MYO10: variants seen among roughly 807,000 people sequenced by gnomAD.
The protein encoded by MYO10 is myosin X.
A neutral mutation model predicts 257.3 loss-of-function variants in MYO10; 133 were observed. That is an observed-to-expected ratio of 0.52 (90% CI 0.45 to 0.60). The LOEUF (loss-of-function observed/expected upper bound fraction) is 0.60, where lower values mean the gene tolerates loss of function less well. Ranked by LOEUF, MYO10 falls within the 20% of genes least tolerant of loss-of-function variation. The probability of loss-of-function intolerance (pLI) is 0.00; values close to 1 mark genes in which losing one functional copy is unlikely to be tolerated. For synonymous variants in MYO10, 1,104 were observed against 1,028.6 expected (o/e 1.07, Z -1.40); for missense variants, 2,399 against 2,635.7 (o/e 0.91, Z 1.97).
At chr5:16,772,521 A>G (rs1370364831) in intron 9 of MYO10, among the ~76,000 whole-genome samples, 4 of 152,232 alleles carry the variant, frequency 2.6e-5, no homozygotes, top group African/African-American at 9.6e-5. Context: ...CAAAAAAGCT[A>G]TTTTGTACCT....
chr5:16,918,212 AAG>A (rs1745878767), intron 1 of MYO10, among the ~76,000 whole-genome samples: 1 of 152,210 alleles, frequency 6.6e-6, no homozygotes, highest in Admixed American at 6.5e-5. Flanking sequence ...GGAAGATGTG[AAG>A]AGTCCAAAAG....
chr5:16,668,820 GCAACC>G (rs1736299734), intron 39 of MYO10, among the ~76,000 whole-genome samples: 1 of 152,070 alleles, frequency 6.6e-6, no homozygotes, highest in African/African-American at 2.4e-5. Flanking sequence ...AAGCTTCCCT[GCAACC>G]CAAGCCAAGT....
rs1736048764 is a variant in MYO10 at position 16,663,401 on chromosome 5, T to C, written c.*3291A>G. On this transcript the variant is annotated 3_prime_UTR_variant, in exon 41 of 41. Transcript: ENST00000513610. ...CCTATATGTATTAGCTTTCAAAAGA[T>C]TTAAAAATTAAAAATACTAGATTGT... 1 of 132,084 alleles carries C rather than the reference T, an allele frequency of 7.6e-6. No individual in the cohort carries two copies. Among genetic ancestry groups the C allele is most frequent in the East Asian group, 2.2e-4 (1 of 4,472 alleles). 8.2% of individuals were successfully genotyped at this position (132,084 alleles called of 1,614,324 possible).
Position 16,758,159 on chromosome 5 carries a change from C to T in MYO10, c.1807G>A (p.Gly603Arg). Residue 603 changes from glycine to arginine, a missense_variant, in exon 18 of 41, where the codon GGA (glycine) becomes AGA (arginine). Physicochemically the swap from Gly to Arg is moderately radical, Grantham distance 125. This residue lies in a region of MYO10 where 1,820 missense variants were observed against 1,939.4 expected (regional missense o/e 0.94). Transcript: ENST00000513610. ...SRNNQDTLKCGSKHRRPTVSS... is the reference protein window; with the variant it reads ...SRNNQDTLKCRSKHRRPTVSS... ...ACTGTAGGCCGCCGATGTTTGCTTC[C>T]ACATTTCAAGGTATCCTGGTTGTTG... The T allele has an allele frequency of 6.2e-7, 1 of 1,613,748 alleles. No individual in the cohort carries two copies. Among genetic ancestry groups the T allele is most frequent in the Non-Finnish European group, 8.5e-7 (1 of 1,179,678 alleles).
intron 11 of MYO10, among the ~76,000 whole-genome samples, chr5:16,765,373 A>G (rs771918404): frequency 1.3e-5 from 2 of 152,150 alleles, no homozygotes; most frequent in Admixed American, 6.5e-5. Flanking sequence ...TCGGACTCCA[A>G]GTTCTTCAGT....
chr5:16,746,666 A>C (rs749130017), intron 19 of MYO10, among the ~76,000 whole-genome samples: 7 of 152,240 alleles, frequency 4.6e-5, no homozygotes, highest in African/African-American at 7.2e-5. Flanking sequence ...AAAGGCCTGG[A>C]AACAGAAAAG....
At chr5:16,847,391 T>C in intron 2 of MYO10, among the ~76,000 whole-genome samples, 1 of 148,298 alleles carries the variant, frequency 6.7e-6, no homozygotes, top group African/African-American at 2.5e-5. Context: ...GCCACTGTAC[T>C]CCAGCCTGGG....
intron 33 of MYO10, among the ~76,000 whole-genome samples, chr5:16,677,029 T>C (rs1004170014): frequency 1.3e-5 from 2 of 152,212 alleles, no homozygotes; most frequent in Admixed American, 1.3e-4. Flanking sequence ...TTGGGGAGAC[T>C]GTCCTTCCAC....
At chr5:16,700,210 G>C (rs60758506) in intron 25 of MYO10, among the ~76,000 whole-genome samples, 1,637 of 152,218 alleles carry the variant, frequency 0.011, 34 homozygotes, top group African/African-American at 0.037. Flanking sequence ...CGTGTGGTTT[G>C]GATTGTGAAG....
intron 3 of MYO10, among the ~76,000 whole-genome samples, chr5:16,810,506 A>G (rs1356026589): frequency 6.6e-6 from 1 of 152,204 alleles, no homozygotes; most frequent in East Asian, 1.9e-4. Flanking sequence ...AGAAACCTTT[A>G]AACAGACTGG....
chr5:16,743,775 T>C (rs1443674298), intron 19 of MYO10, among the ~76,000 whole-genome samples: 1 of 152,206 alleles, frequency 6.6e-6, no homozygotes, highest in African/African-American at 2.4e-5. Flanking sequence ...ATCTGGCATT[T>C]TGACACATGA....
rs148742178 is a variant in MYO10 at position 16,670,572 on chromosome 5, A to G, written c.5837T>C (p.Leu1946Ser). The change falls in exon 39 of 41, where the codon TTG becomes TCG. Residue 1946 changes from leucine to serine, a missense_variant. By Grantham distance (145) the Leu-to-Ser change is moderately radical. Coordinates refer to ENST00000513610, the MANE Select transcript of MYO10 (RefSeq NM_012334.3). ...GCCATAGCCAGGCCACTCCTTGATC[A>G]AGGCCATGTACTTGGCCATGGCCTG... ...QEQAMAKYMA[L>S]IKEWPGYGST... 2.3e-5 allele frequency: 37 copies of G among 1,613,890 alleles called. No individual in the cohort carries two copies. The highest frequency in any genetic ancestry group is 2.9e-5 in the Non-Finnish European group (34 of 1,179,824).
At chr5:16,851,449 T>C (rs747235704) in intron 2 of MYO10, among the ~76,000 whole-genome samples, 6 of 152,126 alleles carry the variant, frequency 3.9e-5, no homozygotes, top group Non-Finnish European at 8.8e-5. Flanking sequence ...ACTTTAAAAC[T>C]CGGAAACTTG....
At chr5:16,829,534 A>T (rs927040389) in intron 2 of MYO10, among the ~76,000 whole-genome samples, 1 of 152,148 alleles carries the variant, frequency 6.6e-6, no homozygotes, top group Non-Finnish European at 1.5e-5. Flanking sequence ...GCGCACCCCC[A>T]AAAGTATCAG....
intron 25 of MYO10, among the ~76,000 whole-genome samples, chr5:16,700,611 G>A (rs1738001023): frequency 6.6e-6 from 1 of 151,970 alleles, no homozygotes; most frequent in African/African-American, 2.4e-5. Flanking sequence ...CGAGAGGTGG[G>A]GACTGCAGTG....
chr5:16,917,474 T>C (rs1433945571), intron 1 of MYO10, among the ~76,000 whole-genome samples: 1 of 152,122 alleles, frequency 6.6e-6, no homozygotes, highest in Non-Finnish European at 1.5e-5. Context: ...CCCATCAGTG[T>C]TAACAACCAG....
rs1004459747 is a variant in MYO10 at position 16,663,120 on chromosome 5, A to G, written c.*3572T>C. 1 of 152,172 alleles carries G rather than the reference A, an allele frequency of 6.6e-6. No homozygotes were observed. The highest frequency in any genetic ancestry group is 1.5e-5 in the Non-Finnish European group (1 of 68,030). 9.4% of individuals were successfully genotyped at this position (152,172 alleles called of 1,614,324 possible). A position where few individuals can be genotyped will look rare whatever the true frequency, so the allele number is the denominator to read the frequency against. On this transcript the variant is annotated 3_prime_UTR_variant, in exon 41 of 41. Transcript: ENST00000513610. ...AATGTAGGATTAGAGCTAAAATACT[A>G]TGCTGAGAAAAAAGTAAGCTACAAC...
intron 3 of MYO10, among the ~76,000 whole-genome samples, chr5:16,817,498 C>G (rs1400606081): frequency 6.6e-6 from 1 of 152,152 alleles, no homozygotes; most frequent in Non-Finnish European, 1.5e-5. Context: ...ATGTATTTCT[C>G]CATTCAAAAT....
intron 1 of MYO10, among the ~76,000 whole-genome samples, chr5:16,916,856 G>A (rs1051518327): frequency 2.0e-5 from 3 of 152,204 alleles, no homozygotes; most frequent in Non-Finnish European, 2.9e-5. Context: ...CATTATCAGG[G>A]TTGGTAACAA....
Sources: gnomAD v4.1 joint callset for allele counts (sites outside exome capture counted in the v4.1 genomes callset) on GRCh38, gnomAD v4.1.1 for gene constraint, gnomAD v4.1.1 regional missense constraint, MANE v1.5 for transcripts, NCBI Gene and HGNC (gene_info 2026-07-23, HGNC 2026-07-21) for gene names.